The following SNTG2 variants were observed in gnomAD, a reference collection of about 807,000 sequenced individuals.
The protein encoded by SNTG2 is syntrophin gamma 2, also known as gamma-2-syntrophin.
SNTG2 carries 74 observed loss-of-function variants against 70.9 expected under a neutral mutation model. The observed-to-expected ratio is 1.04, with a 90% CI of 0.86 to 1.27. The LOEUF is 1.27. SNTG2 is among the 50% of genes most tolerant of loss of function. SNTG2 has a pLI of 0.00. For missense variants in SNTG2, 717 were observed against 690.7 expected (o/e 1.04, Z -0.43); for synonymous variants, 278 against 273.8 (o/e 1.02, Z -0.15).
intron 1 of SNTG2, among the ~76,000 whole-genome samples, chr2:1,066,420 G>A (rs1663157130): frequency 6.6e-6 from 1 of 152,004 alleles, no homozygotes; most frequent in African/African-American, 2.4e-5. Flanking sequence ...CTGGCTGCAG[G>A]CGTTGAGTTC....
intron 16 of SNTG2, among the ~76,000 whole-genome samples, chr2:1,320,632 G>A (rs1294782525): frequency 6.6e-6 from 1 of 151,708 alleles, no homozygotes; most frequent in Non-Finnish European, 1.5e-5. Flanking sequence ...TCCAATGGCT[G>A]GAAATTTTAG....
intron 9 of SNTG2, among the ~76,000 whole-genome samples, chr2:1,233,475 G>C: frequency 6.6e-6 from 1 of 152,344 alleles, no homozygotes; most frequent in Non-Finnish European, 1.5e-5. Flanking sequence ...AGCGAAGGCA[G>C]GCAGTGTGAC....
At chr2:1,282,772 C>T (rs947619564) in intron 14 of SNTG2, among the ~76,000 whole-genome samples, 2 of 132,250 alleles carry the variant, frequency 1.5e-5, no homozygotes, top group Non-Finnish European at 3.2e-5. Flanking sequence ...GTGAGCTGGG[C>T]GCTCTCCAAG....
chr2:1,089,949 T>G (rs1351211280), intron 2 of SNTG2, among the ~76,000 whole-genome samples: 1 of 152,238 alleles, frequency 6.6e-6, no homozygotes, highest in Non-Finnish European at 1.5e-5. Context: ...CCTCCACATC[T>G]GGAGCCTGAC....
intron 16 of SNTG2, among the ~76,000 whole-genome samples, chr2:1,352,791 T>C (rs1187369281): frequency 6.6e-6 from 1 of 152,172 alleles, no homozygotes; most frequent in Non-Finnish European, 1.5e-5. Flanking sequence ...GTTTTCTCAT[T>C]TGAAAAATGA....
chr2:1,252,120 C>T (rs1435172647), intron 12 of SNTG2, among the ~76,000 whole-genome samples: 1 of 152,148 alleles, frequency 6.6e-6, no homozygotes, highest in African/African-American at 2.4e-5. Context: ...CTGCAGGAAC[C>T]GTGAGTTGAT....
At chr2:1,030,939 A>C (rs894529179) in intron 1 of SNTG2, among the ~76,000 whole-genome samples, 2 of 152,174 alleles carry the variant, frequency 1.3e-5, no homozygotes, top group African/African-American at 4.8e-5. Flanking sequence ...TGAAATTCGA[A>C]GATACCAACA....
At chr2:981,897 G>A (rs1173374392) in intron 1 of SNTG2, among the ~76,000 whole-genome samples, 2 of 152,088 alleles carry the variant, frequency 1.3e-5, no homozygotes, top group South Asian at 2.1e-4. Context: ...ACATGCGTTT[G>A]TGCACACACA....
chr2:1,154,895 GAC>G (rs900588891), intron 6 of SNTG2, among the ~76,000 whole-genome samples: 2 of 135,416 alleles, frequency 1.5e-5, no homozygotes, highest in African/African-American at 5.6e-5. Flanking sequence ...CACACACAAA[GAC>G]ACATACCACA....
At chr2:1,028,501 C>T (rs1202161952) in intron 1 of SNTG2, among the ~76,000 whole-genome samples, 2 of 152,230 alleles carry the variant, frequency 1.3e-5, no homozygotes, top group East Asian at 1.9e-4. Flanking sequence ...CTTCCTTCCT[C>T]GGGTCAGGCT....
At chr2:1,289,662 C>T (rs1263297395) in intron 14 of SNTG2, among the ~76,000 whole-genome samples, 7 of 152,168 alleles carry the variant, frequency 4.6e-5, no homozygotes, top group South Asian at 2.1e-4. Context: ...TCACATAAAA[C>T]GTAACACTTT....
intron 14 of SNTG2, among the ~76,000 whole-genome samples, chr2:1,305,871 A>G (rs1680648485): frequency 6.6e-6 from 1 of 152,254 alleles, no homozygotes; most frequent in East Asian, 1.9e-4. Context: ...AAGATGGGCT[A>G]TAATTACTGC....
At position 1,247,436 on chromosome 2, in the gene SNTG2, C is replaced by A; in HGVS notation, c.998C>A (p.Thr333Asn). 1 of 1,610,918 alleles carries A rather than the reference C, an allele frequency of 6.2e-7. No individual in the cohort carries two copies. The highest frequency in any genetic ancestry group is 1.1e-5 in the South Asian group (1 of 90,998). The change falls in exon 12 of 17, where the codon ACT becomes AAT. Residue 333 changes from threonine (T) to asparagine (N), a missense_variant. Coordinates refer to ENST00000308624, the MANE Select transcript of SNTG2 (RefSeq NM_018968.4). ...LKGPSFYVFS[T>N]PPVSTFDWVR... ...GGCCCGTCCTTCTACGTTTTCAGCACTCCTCCGGTAAGGATGCTTTTGACA... is the reference window on the plus strand; with the variant it reads ...GGCCCGTCCTTCTACGTTTTCAGCAATCCTCCGGTAAGGATGCTTTTGACA...
At chr2:1,021,892 A>G (rs62104287) in intron 1 of SNTG2, among the ~76,000 whole-genome samples, 1 of 149,920 alleles carries the variant, frequency 6.7e-6, no homozygotes, top group African/African-American at 2.4e-5. Flanking sequence ...TGCTGCAATT[A>G]AAAGTGTGAG....
intron 4 of SNTG2, among the ~76,000 whole-genome samples, chr2:1,135,305 G>C (rs1375338915): frequency 6.9e-6 from 1 of 144,780 alleles, no homozygotes; most frequent in African/African-American, 2.7e-5. Flanking sequence ...GTGGCTTGTT[G>C]ACAAAACAAA....
At chr2:980,550 C>T (rs1344669025) in intron 1 of SNTG2, among the ~76,000 whole-genome samples, 2 of 152,122 alleles carry the variant, frequency 1.3e-5, no homozygotes, top group Non-Finnish European at 2.9e-5. Flanking sequence ...TGGTTTATCA[C>T]TTATTTTACC....
chr2:1,038,581 A>G (rs943695266), intron 1 of SNTG2, among the ~76,000 whole-genome samples: 3 of 152,216 alleles, frequency 2.0e-5, no homozygotes, highest in South Asian at 4.1e-4. Context: ...GTTAAAATTC[A>G]AAGAAATTCA....
chr2:1,116,080 C>A (rs1468911014), intron 4 of SNTG2, among the ~76,000 whole-genome samples: 1 of 152,168 alleles, frequency 6.6e-6, no homozygotes, highest in East Asian at 1.9e-4. Context: ...GACTGAAACA[C>A]CTTACGTTTG....
At chr2:1,319,084 GA>G (rs1356400254) in intron 16 of SNTG2, among the ~76,000 whole-genome samples, 1 of 152,226 alleles carries the variant, frequency 6.6e-6, no homozygotes, top group Non-Finnish European at 1.5e-5. Context: ...ACCTAAGACA[GA>G]AAGGCCTGAA....
Sources: allele counts gnomAD v4.1 joint callset (sites outside exome capture counted in the v4.1 genomes callset), GRCh38; gene constraint gnomAD v4.1.1; transcripts MANE v1.5; gene names NCBI Gene and HGNC (gene_info 2026-07-23, HGNC 2026-07-21).